FRAS1: variants seen among roughly 807,000 people sequenced by gnomAD.
The protein encoded by FRAS1 is extracellular matrix organizing protein FRAS1.
In FRAS1, 290 loss-of-function variants were observed where a neutral mutation model predicts 435.2. The ratio of observed to expected loss-of-function variants is 0.67; its 90% CI spans 0.61 to 0.73. The LOEUF (loss-of-function observed/expected upper bound fraction) is 0.73. Among genes scored for constraint, FRAS1 ranks in the 30% least tolerant of loss-of-function variants. The probability of loss-of-function intolerance (pLI) is 0.00; values close to 1 mark genes in which losing one functional copy is unlikely to be tolerated. For missense variants in FRAS1, 4,860 were observed against 5,001.5 expected (o/e 0.97, Z 0.85); for synonymous variants, 1,800 against 1,851.0 (o/e 0.97, Z 0.71).
chr4:78,358,670 C>G (rs1435615132), intron 20 of FRAS1, among the ~76,000 whole-genome samples: 5 of 152,128 alleles, frequency 3.3e-5, no homozygotes, highest in African/African-American at 1.2e-4. Flanking sequence ...GAATTGTACC[C>G]TTTCAACATA....
chr4:78,243,623 C>A (rs1393986342), intron 3 of FRAS1, among the ~76,000 whole-genome samples: 1 of 151,804 alleles, frequency 6.6e-6, no homozygotes. Flanking sequence ...AGTTGGGAAC[C>A]ATCCTCTCCC....
chr4:78,104,896 T>C (rs1175498827), intron 2 of FRAS1, among the ~76,000 whole-genome samples: 1 of 152,212 alleles, frequency 6.6e-6, no homozygotes, highest in East Asian at 1.9e-4. Context: ...TTATGATAGT[T>C]TTATAATAAA....
At chr4:78,311,202 CT>C (rs1350452660) in intron 15 of FRAS1, among the ~76,000 whole-genome samples, 1 of 151,824 alleles carries the variant, frequency 6.6e-6, no homozygotes, top group African/African-American at 2.4e-5. Context: ...TTCTTTCTCC[CT>C]TTTTTTAATC....
At chr4:78,482,268 A>G in intron 57 of FRAS1, 120 bp from the exon 58 acceptor site, 1 of 1,130,562 alleles carries the variant, frequency 8.8e-7, no homozygotes, top group Admixed American at 2.0e-5. Context: ...CATGTTATGG[A>G]TTAGAAAATC....
intron 49 of FRAS1, among the ~76,000 whole-genome samples, chr4:78,465,697 TGCTGGCCCTGGTTAG>T (rs143378348): frequency 0.3 from 46,179 of 151,858 alleles, 8,194 homozygotes; most frequent in Admixed American, 0.4. Context: ...CAGAGGGCCA[TGCTGGCCCTGGTTAG>T]GCCTTGGCAT....
At chr4:78,122,644 T>C (rs1039770144) in intron 2 of FRAS1, among the ~76,000 whole-genome samples, 3 of 152,200 alleles carry the variant, frequency 2.0e-5, no homozygotes, top group African/African-American at 7.2e-5. Flanking sequence ...ATCTGTTGTT[T>C]CCTGACTTTT....
chr4:78,379,746 C>G lies in FRAS1; in HGVS notation c.3313C>G (p.Leu1105Val), dbSNP rs1051580085. ...TCSGKIHTPSLHVNGSLILPI... is the reference protein window; with the variant it reads ...TCSGKIHTPSVHVNGSLILPI... ...TTCAGGCAAAATACACACCCCTAGT[C>G]TTCATGTGAATGGTTCCCTGATCCT... The change falls in exon 27 of 74, where the codon CTT becomes GTT. Residue 1105 changes from leucine (L) to valine (V), a missense_variant. By Grantham distance (32) the Leu-to-Val change is conservative. Transcript: ENST00000512123. 3 of 1,613,540 alleles carry G rather than the reference C, an allele frequency of 1.9e-6. No homozygotes were observed. The Admixed American group carries it at 5.0e-5, about 27-fold the overall frequency.
chr4:78,110,394 A>C (rs1490876913), intron 2 of FRAS1, among the ~76,000 whole-genome samples: 2 of 123,726 alleles, frequency 1.6e-5, no homozygotes, highest in Non-Finnish European at 3.4e-5. Flanking sequence ...TACTGGTACC[A>C]AAACAGAGAT....
intron 22 of FRAS1, among the ~76,000 whole-genome samples, chr4:78,365,754 A>C (rs1375192211): frequency 8.2e-6 from 1 of 122,302 alleles, no homozygotes; most frequent in Non-Finnish European, 1.6e-5. Flanking sequence ...AAAAAAACAA[A>C]AAAAAAAAAC....
chr4:78,334,829 G>A (rs1730106499), intron 19 of FRAS1, among the ~76,000 whole-genome samples: 1 of 151,904 alleles, frequency 6.6e-6, no homozygotes, highest in Non-Finnish European at 1.5e-5. Flanking sequence ...CATGATCATA[G>A]CTCACTGCAG....
At chr4:78,266,742 G>A in intron 7 of FRAS1, 92 bp from the exon 8 acceptor site, 3 of 873,900 alleles carry the variant, frequency 3.4e-6, no homozygotes, top group Non-Finnish European at 5.6e-6. Flanking sequence ...TCTTACAAAT[G>A]TAATGAAAAT....
At chr4:78,253,035 A>C (rs1725616798) in intron 5 of FRAS1, among the ~76,000 whole-genome samples, 1 of 152,132 alleles carries the variant, frequency 6.6e-6, no homozygotes, top group Non-Finnish European at 1.5e-5. Context: ...AGGGTACTGC[A>C]GGAGACCAGG....
chr4:78,341,696 A>T (rs941744271), intron 20 of FRAS1, among the ~76,000 whole-genome samples: 3 of 152,062 alleles, frequency 2.0e-5, no homozygotes, highest in Non-Finnish European at 2.9e-5. Context: ...CTTTGCAGAT[A>T]GTTTCCAGGT....
intron 2 of FRAS1, among the ~76,000 whole-genome samples, chr4:78,169,592 A>G (rs540933905): frequency 2.0e-5 from 3 of 152,122 alleles, no homozygotes; most frequent in Admixed American, 6.5e-5. Flanking sequence ...TATAATTATT[A>G]TTGTATTTTA....
chr4:78,379,690 C>T (rs776762762), intron 26 of FRAS1, 36 bp from the exon 27 acceptor site: 4 of 1,586,462 alleles, frequency 2.5e-6, no homozygotes, highest in Non-Finnish European at 3.4e-6. Context: ...AGTGAAGGTA[C>T]CATAAGCTTG....
chr4:78,464,241 C>T, intron 48 of FRAS1, 96 bp downstream of exon 48: 1 of 1,458,310 alleles, frequency 6.9e-7, no homozygotes, highest in East Asian at 2.3e-5. Context: ...AGAAGAGCTT[C>T]ATTTTCCTCT....
rs1478503814 is a variant in FRAS1 at position 78,108,622 on chromosome 4, C to T, written c.108+42606C>T. 4.7e-5 allele frequency among the ~76,000 whole-genome samples: 4 copies of T among 85,004 alleles called. 1 individual carries two copies. Among genetic ancestry groups the T allele is most frequent in the Non-Finnish European group, 6.9e-5 (3 of 43,608 alleles). The allele number at this position is 85,004 out of a possible 152,430, so 55.8% of individuals were successfully genotyped here. On this transcript the variant is annotated intron_variant, in intron 2 of 73. Coordinates refer to ENST00000512123, the MANE Select transcript of FRAS1 (RefSeq NM_025074.7). ...GCAGTGTGTAGAGGGAAATTTATAG[C>T]ACTAAATGCCTACAAGAGAAAGCAG...
chr4:78,331,080 A>G lies in FRAS1; in HGVS notation c.2138-2192A>G, dbSNP rs545944870. On this transcript the variant is annotated intron_variant, in intron 18 of 73. Transcript: ENST00000512123. ...TCAAGCTGGCCGATGCTTAAGGAAA[A>G]TAGAAAAGAACCTATGTGAATATCG... Among the ~76,000 whole-genome samples, 3 of 152,330 alleles carry G rather than the reference A, an allele frequency of 2.0e-5. No homozygotes were observed. The South Asian group carries it at 6.2e-4, about 32-fold the overall frequency.
At position 78,245,265 on chromosome 4, in the gene FRAS1, C is replaced by G. The variant is rs984630379; in HGVS notation, c.249C>G (p.Cys83Trp). Residue 83 changes from cysteine (C) to tryptophan (W), a missense_variant, in exon 4 of 74, where the codon TGC becomes TGG. Physicochemically the swap from Cys to Trp is radical, Grantham distance 215 (BLOSUM62 -2). Transcript: ENST00000512123. ...TGCTTCAAATAGCTGCCAACCAATG[C>G]TGTCCTGAGTGTGTTTTGAGGACTC... Reference protein sequence around the residue: ...GEVLQIAANQCCPECVLRTPG... With the variant: ...GEVLQIAANQWCPECVLRTPG... The G allele has an allele frequency of 1.9e-6, 3 of 1,609,070 alleles. No homozygotes were observed. The highest frequency in any genetic ancestry group is 1.3e-5 in the African/African-American group (1 of 74,838).
Sources: allele counts gnomAD v4.1 joint callset (sites outside exome capture counted in the v4.1 genomes callset), GRCh38; gene constraint gnomAD v4.1.1; transcripts MANE v1.5; gene names NCBI Gene and HGNC (gene_info 2026-07-23, HGNC 2026-07-21).